GOLM2: variants seen among roughly 807,000 people sequenced by gnomAD.
The protein encoded by GOLM2 is golgi membrane protein 2.
In GOLM2, 26 loss-of-function variants were observed where a neutral mutation model predicts 55.9. That is an observed-to-expected ratio of 0.47 (90% CI 0.34 to 0.65). The LOEUF is 0.65. Ranked by LOEUF, GOLM2 falls within the 30% of genes least tolerant of loss-of-function variation. The pLI, the probability that GOLM2 is intolerant of heterozygous loss-of-function variation, is 0.01. For missense variants in GOLM2, 486 were observed against 531.8 expected, an observed-to-expected ratio of 0.91 and a Z score of 0.85; for synonymous variants, 165 against 194.6, an observed-to-expected ratio of 0.85 and a Z score of 1.27.
chr15:44,311,797 C>T (rs1191003170), intron 1 of GOLM2, among the ~76,000 whole-genome samples: 1 of 152,024 alleles, frequency 6.6e-6, no homozygotes, highest in East Asian at 1.9e-4. Flanking sequence ...TTACAGGTGC[C>T]CACCACCATG....
At chr15:44,347,775 C>T (rs765780428) in intron 6 of GOLM2, among the ~76,000 whole-genome samples, 39 of 152,156 alleles carry the variant, frequency 2.6e-4, no homozygotes, top group Non-Finnish European at 4.7e-4. Context: ...CCAGCCAGTG[C>T]ATCTTGCCAG....
intron 1 of GOLM2, among the ~76,000 whole-genome samples, chr15:44,309,436 C>T (rs2078859270): frequency 6.6e-6 from 1 of 152,018 alleles, no homozygotes; most frequent in Admixed American, 6.6e-5. Context: ...TAAATATATA[C>T]AATCTTTAAT....
chr15:44,302,940 T>TA (rs1324561582), intron 1 of GOLM2, among the ~76,000 whole-genome samples: 1 of 151,902 alleles, frequency 6.6e-6, no homozygotes, highest in Non-Finnish European at 1.5e-5. Context: ...CCGTCTCTAC[T>TA]AAAAATACAA....
At chr15:44,370,939 G>A (rs977465843) in intron 6 of GOLM2, among the ~76,000 whole-genome samples, 1 of 152,114 alleles carries the variant, frequency 6.6e-6, no homozygotes, top group Non-Finnish European at 1.5e-5. Flanking sequence ...GGATTGCAGG[G>A]ATGAGCTACC....
chr15:44,373,449 TC>T (rs2079343069), intron 6 of GOLM2, among the ~76,000 whole-genome samples: 1 of 135,178 alleles, frequency 7.4e-6, no homozygotes, highest in Non-Finnish European at 1.6e-5. Context: ...AGAGCGAGAC[TC>T]CGTCTCAAAA....
chr15:44,402,004 A>AT (rs2079568685), intron 8 of GOLM2, among the ~76,000 whole-genome samples: 1 of 151,638 alleles, frequency 6.6e-6, no homozygotes, highest in Non-Finnish European at 1.5e-5. Flanking sequence ...TAATTTCTGT[A>AT]TTTTTAATAG....
At chr15:44,338,492 A>T (rs558412306) in intron 6 of GOLM2, among the ~76,000 whole-genome samples, 175 bp downstream of exon 6, 4 of 152,280 alleles carry the variant, frequency 2.6e-5, no homozygotes, top group African/African-American at 9.6e-5. Context: ...CTTTTATAAA[A>T]TTTTTTGCTA....
intron 1 of GOLM2, among the ~76,000 whole-genome samples, chr15:44,310,004 C>T (rs1234444514): frequency 6.6e-6 from 1 of 152,122 alleles, no homozygotes; most frequent in Non-Finnish European, 1.5e-5. Flanking sequence ...ATGCCTCAGC[C>T]TCCTGAGTAG....
rs1057407480 is a variant in GOLM2 at position 44,380,392 on chromosome 15, G to A, written c.902-414G>A. On this transcript the variant is annotated intron_variant, in intron 7 of 9. Transcript: ENST00000299957. The stretch of plus-strand genomic sequence containing the variant: ...AAGAAAGAATCAAGAGTCAACACTT[G>A]TGAGTCACTGTATAGTGAAGATGAC... 3.9e-5 allele frequency among the ~76,000 whole-genome samples: 6 copies of A among 152,142 alleles called. No individual in the cohort carries two copies. In the South Asian group the frequency reaches 8.3e-4, roughly 21 times the overall value.
At chr15:44,351,263 A>G (rs1264615142) in intron 6 of GOLM2, among the ~76,000 whole-genome samples, 1 of 152,112 alleles carries the variant, frequency 6.6e-6, no homozygotes, top group African/African-American at 2.4e-5. Context: ...TGGAAGTCCT[A>G]GCTAGAGCAA....
chr15:44,330,101 G>A (rs2079011972), intron 3 of GOLM2, among the ~76,000 whole-genome samples: 1 of 149,310 alleles, frequency 6.7e-6, no homozygotes, highest in African/African-American at 2.5e-5. Flanking sequence ...TAGTAGAGAC[G>A]GGCTTTCACC....
rs542105611 is a variant in GOLM2 at position 44,322,959 on chromosome 15, T to C, written c.328-6T>C. Reference sequence around the variant, plus strand: ...TTAGTAAAATGAGAACTTAATTTTTTTTCAGGTTAAACTACAGAACAACAT... The same window carrying C: ...TTAGTAAAATGAGAACTTAATTTTTCTTCAGGTTAAACTACAGAACAACAT... On this transcript the variant is annotated splice_region_variant and splice_polypyrimidine_tract_variant and intron_variant, in intron 1 of 9. Coordinates refer to ENST00000299957, the MANE Select transcript of GOLM2 (RefSeq NM_138423.4). 2.6e-6 allele frequency: 4 copies of C among 1,560,548 alleles called. No homozygotes were observed. Among genetic ancestry groups the C allele is most frequent in the Admixed American group, 2.0e-5 (1 of 50,034 alleles).
At position 44,289,464 on chromosome 15, in the gene GOLM2, T is replaced by C. The variant is rs2078705277; in HGVS notation, c.327+108T>C. The C allele has an allele frequency of 4.0e-6, 4 of 992,328 alleles. No individual in the cohort carries two copies. The highest frequency in any genetic ancestry group is 5.8e-6 in the Non-Finnish European group (4 of 686,286). The allele number at this position is 992,328 out of a possible 1,614,324, so 61.5% of individuals were successfully genotyped here. A position where few individuals can be genotyped will look rare whatever the true frequency, so the allele number is the denominator to read the frequency against. ...TGTCTTATGCCTTCCAGTATTTCAGTCCTGAAGGCTCCTTTCACCCCCAAC... is the reference window on the plus strand; with the variant it reads ...TGTCTTATGCCTTCCAGTATTTCAGCCCTGAAGGCTCCTTTCACCCCCAAC... On this transcript the variant is annotated intron_variant, in intron 1 of 9. Transcript: ENST00000299957. This position sits in a 1 kb window ranked among gnomAD's most constrained non-coding sequence, Gnocchi z 4.8.
At chr15:44,411,013 CTTTTTT>C (rs201998296) in intron 9 of GOLM2, among the ~76,000 whole-genome samples, 7 of 81,338 alleles carry the variant, frequency 8.6e-5, no homozygotes, top group African/African-American at 2.2e-4. Context: ...GTTTGTTTGA[CTTTTTT>C]TTTTTTTTTT....
At chr15:44,318,730 G>A (rs911665942) in intron 1 of GOLM2, among the ~76,000 whole-genome samples, 13 of 151,744 alleles carry the variant, frequency 8.6e-5, no homozygotes, top group African/African-American at 1.9e-4. Flanking sequence ...AAAAAAATTG[G>A]AAGTTGAATT....
chr15:44,368,387 A>AG (rs1291986125), intron 6 of GOLM2, among the ~76,000 whole-genome samples: 1 of 151,004 alleles, frequency 6.6e-6, no homozygotes, highest in Non-Finnish European at 1.5e-5. Context: ...CCTAACCTCA[A>AG]GTGAGCCACC....
rs1054196197 is a variant in GOLM2, at chr15:44,288,964, G to C, written c.-66G>C. 1 of 1,451,068 alleles carries C rather than the reference G, an allele frequency of 6.9e-7. No individual in the cohort carries two copies. The highest frequency in any genetic ancestry group is 9.4e-7 in the Non-Finnish European group (1 of 1,069,398). 89.9% of individuals were successfully genotyped at this position (1,451,068 alleles called of 1,614,324 possible). ...CCGTGTCCGCCGGGCAACTCCAGCC[G>C]AGGCCTGGGCTTCTGCCTGCAGGTG... On this transcript the variant is annotated 5_prime_UTR_variant, in exon 1 of 10. Coordinates refer to ENST00000299957, the MANE Select transcript of GOLM2 (RefSeq NM_138423.4).
chr15:44,361,110 C>T (rs1225707060), intron 6 of GOLM2, among the ~76,000 whole-genome samples: 2 of 146,516 alleles, frequency 1.4e-5, no homozygotes, highest in South Asian at 2.2e-4. Context: ...AGGAAAGATC[C>T]AAAATTGACA....
intron 5 of GOLM2, 102 bp from the exon 6 acceptor site, chr15:44,338,135 T>C (rs1199518293): frequency 2.7e-6 from 3 of 1,114,716 alleles, no homozygotes; most frequent in Non-Finnish European, 4.0e-6. Context: ...GTTCAGTTGA[T>C]GTAGCCTATT....
Sources: gnomAD v4.1 joint callset for allele counts (sites outside exome capture counted in the v4.1 genomes callset) on GRCh38, gnomAD v4.1.1 for gene constraint, Gnocchi (gnomAD v3.1) non-coding constraint, MANE v1.5 for transcripts, NCBI Gene and HGNC (gene_info 2026-07-23, HGNC 2026-07-21) for gene names.